Variants in PTPN9 observed in about 807,000 individuals in gnomAD.
The protein encoded by PTPN9 is protein tyrosine phosphatase non-receptor type 9.
PTPN9 carries 26 observed loss-of-function variants against 69.8 expected under a neutral mutation model. The observed-to-expected ratio is 0.37, with a 90% CI of 0.27 to 0.52. PTPN9 has a LOEUF of 0.52. PTPN9 is among the 20% of genes least tolerant of loss of function. The pLI is 0.91. For synonymous variants in PTPN9, 274 were observed against 272.5 expected, an observed-to-expected ratio of 1.01 and a Z score of -0.05; for missense variants, 549 against 740.3, an observed-to-expected ratio of 0.74 and a Z score of 3.00.
chr15:75,556,658 T>TG (rs1403280291), intron 1 of PTPN9, among the ~76,000 whole-genome samples: 3 of 152,186 alleles, frequency 2.0e-5, no homozygotes, highest in Non-Finnish European at 4.4e-5. Flanking sequence ...GATTCAGGTG[T>TG]GAGCCACCAC....
chr15:75,537,220 T>C (rs1183196570), intron 1 of PTPN9, among the ~76,000 whole-genome samples: 1 of 150,650 alleles, frequency 6.6e-6, no homozygotes, highest in Non-Finnish European at 1.5e-5. Context: ...GGCATGGTGG[T>C]GGGCGCCTGT....
At position 75,527,199 on chromosome 15, in the gene PTPN9, C is replaced by T; in HGVS notation, c.126G>A (p.Leu42=). The T allele has an allele frequency of 1.2e-6, 2 of 1,614,142 alleles. No homozygotes were observed. The highest frequency in any genetic ancestry group is 8.5e-7 in the Non-Finnish European group (1 of 1,180,006). ...GGAACTTGACAGCCACATTCCAAGA[C>T]AGCGGGGAAACATTGTACTGAACTG... ...KWTVQYNVSP[L]SWNVAVKFLM... Residue 42 remains leucine, a synonymous_variant, in exon 2 of 13, where the codon CTG becomes CTA. Transcript: ENST00000618819.
chr15:75,544,503 C>A (rs1035586350), intron 1 of PTPN9, among the ~76,000 whole-genome samples: 1 of 152,152 alleles, frequency 6.6e-6, no homozygotes, highest in Non-Finnish European at 1.5e-5. Context: ...GTGTTCCAGC[C>A]TGGGTGACAG....
intron 9 of PTPN9, among the ~76,000 whole-genome samples, chr15:75,474,824 T>C (rs1227586712): frequency 6.6e-6 from 1 of 152,204 alleles, no homozygotes; most frequent in Non-Finnish European, 1.5e-5. Flanking sequence ...AATAGGCCTT[T>C]TTCCCTTCCA....
At chr15:75,578,559 G>A (rs530732995) in intron 1 of PTPN9, among the ~76,000 whole-genome samples, 155 bp downstream of exon 1, 1 of 152,308 alleles carries the variant, frequency 6.6e-6, no homozygotes, top group South Asian at 2.1e-4. Context: ...TGGCGGCCTG[G>A]GGCGCGGTCG....
rs74578315 is a variant in PTPN9 at position 75,464,315 on chromosome 15, C to T, written c.*4454G>A. 0.044 allele frequency: 6,723 copies of T among 151,904 alleles called. 224 individuals carry two copies. Among genetic ancestry groups the T allele is most frequent in the Non-Finnish European group, 0.063 (4,296 of 68,126 alleles). 9.4% of individuals were successfully genotyped at this position (151,904 alleles called of 1,614,324 possible). On this transcript the variant is annotated 3_prime_UTR_variant, in exon 13 of 13. Transcript: ENST00000618819. Reference sequence around the variant, plus strand: ...AGAGAAAAAAAAAAAAAGCTGGGTTCCTGCTTGAGCCCAGTTGTTGAGACT... The same window carrying T: ...AGAGAAAAAAAAAAAAAGCTGGGTTTCTGCTTGAGCCCAGTTGTTGAGACT...
At chr15:75,493,515 C>A (rs1350146741) in intron 7 of PTPN9, among the ~76,000 whole-genome samples, 4 of 152,072 alleles carry the variant, frequency 2.6e-5, no homozygotes, top group East Asian at 1.9e-4. Flanking sequence ...TATCCCAGCA[C>A]TTTGGGAGGC....
intron 1 of PTPN9, among the ~76,000 whole-genome samples, chr15:75,560,701 C>T (rs2075100675): frequency 6.6e-6 from 1 of 152,060 alleles, no homozygotes; most frequent in Non-Finnish European, 1.5e-5. Flanking sequence ...GTGAGACACC[C>T]ATCTATATTT....
Position 75,468,567 on chromosome 15 carries a change from T to C in PTPN9, c.*202A>G. 1 of 515,658 alleles carries C rather than the reference T, an allele frequency of 1.9e-6. No individual in the cohort carries two copies. The highest frequency in any genetic ancestry group is 5.2e-4 in the Middle Eastern group (1 of 1,922). The allele number at this position is 515,658 out of a possible 1,614,324, so 31.9% of individuals were successfully genotyped here. A position where few individuals can be genotyped will look rare whatever the true frequency, so the allele number is the denominator to read the frequency against. On this transcript the variant is annotated 3_prime_UTR_variant, in exon 13 of 13. Coordinates refer to ENST00000618819, the MANE Select transcript of PTPN9 (RefSeq NM_002833.4). ...CAGATGCTAGGAATTAAGAACACATTGCTACTGGCCCTTTCTAGTGGCAAT... is the reference window on the plus strand; with the variant it reads ...CAGATGCTAGGAATTAAGAACACATCGCTACTGGCCCTTTCTAGTGGCAAT...
At position 75,464,279 on chromosome 15, in the gene PTPN9, TAG is replaced by T. The variant is rs564729598; in HGVS notation, c.*4488_*4489del. ...GGGCAACATAGTGAGATCCTGTCTC[TAG>T]AGAGAGAGAGAGAAAAAAAAAAAAA... On this transcript the variant is annotated 3_prime_UTR_variant, in exon 13 of 13. Transcript: ENST00000618819. The T allele has an allele frequency of 2.7e-4, 40 of 149,160 alleles. No homozygotes were observed. The highest frequency in any genetic ancestry group is 2.8e-4 in the Non-Finnish European group (19 of 67,596). The allele number at this position is 149,160 out of a possible 1,614,324, so 9.2% of individuals were successfully genotyped here.
intron 7 of PTPN9, among the ~76,000 whole-genome samples, chr15:75,501,514 G>A (rs924494705): frequency 6.8e-6 from 1 of 148,110 alleles, no homozygotes; most frequent in Non-Finnish European, 1.5e-5. Flanking sequence ...ACTTAGGCTG[G>A]AGCTCAGTGG....
At chr15:75,524,774 T>C (rs7176938) in intron 2 of PTPN9, among the ~76,000 whole-genome samples, 40,176 of 87,598 alleles carry the variant, frequency 0.46, 7,665 homozygotes, top group African/African-American at 0.63. Flanking sequence ...TGAGACTCTG[T>C]CTCAAAAAAA....
At chr15:75,507,915 C>T (rs796771270) in intron 6 of PTPN9, among the ~76,000 whole-genome samples, 8 of 151,452 alleles carry the variant, frequency 5.3e-5, no homozygotes, top group Admixed American at 3.3e-4. Flanking sequence ...TGGTAGCGTG[C>T]GCCTGTACTC....
chr15:75,503,565 C>A (rs1595954848), intron 7 of PTPN9, among the ~76,000 whole-genome samples: 1 of 111,614 alleles, frequency 9.0e-6, no homozygotes, highest in Non-Finnish European at 1.9e-5. Flanking sequence ...GCCCCCCGCC[C>A]GGCCAGCCGC....
chr15:75,551,412 G>C (rs1031066933), intron 1 of PTPN9, among the ~76,000 whole-genome samples: 1 of 152,074 alleles, frequency 6.6e-6, no homozygotes, highest in African/African-American at 2.4e-5. Context: ...CTGGAGTGCA[G>C]TGCCACAATC....
At chr15:75,541,643 T>G (rs2075009115) in intron 1 of PTPN9, among the ~76,000 whole-genome samples, 1 of 151,920 alleles carries the variant, frequency 6.6e-6, no homozygotes, top group African/African-American at 2.4e-5. Context: ...CCTGACCTCC[T>G]GATCCGCCTG....
intron 1 of PTPN9, among the ~76,000 whole-genome samples, chr15:75,539,618 T>G (rs995096681): frequency 6.6e-6 from 1 of 151,850 alleles, no homozygotes; most frequent in Non-Finnish European, 1.5e-5. Context: ...GTAGAGAAGA[T>G]TTAATTGGAG....
intron 8 of PTPN9, among the ~76,000 whole-genome samples, chr15:75,483,977 A>G (rs2074659265): frequency 6.6e-6 from 1 of 152,228 alleles, no homozygotes; most frequent in Non-Finnish European, 1.5e-5. Flanking sequence ...CTTGGTACCC[A>G]ATAAATACAA....
chr15:75,517,847 C>T (rs2074879244), intron 4 of PTPN9, among the ~76,000 whole-genome samples: 1 of 152,124 alleles, frequency 6.6e-6, no homozygotes, highest in Non-Finnish European at 1.5e-5. Context: ...AGGACAAGAA[C>T]TTGTTGTTCC....
Sources: gnomAD v4.1 joint callset for allele counts (sites outside exome capture counted in the v4.1 genomes callset) on GRCh38, gnomAD v4.1.1 for gene constraint, MANE v1.5 for transcripts, NCBI Gene and HGNC (gene_info 2026-07-23, HGNC 2026-07-21) for gene names.